The following FYB1 variants were observed in gnomAD, a reference collection of about 807,000 sequenced individuals.
FYB1 encodes FYN binding protein 1.
Under a neutral mutation model 94.1 loss-of-function variants are expected in FYB1, and 41 were observed. The ratio of observed to expected loss-of-function variants is 0.44; its 90% CI spans 0.34 to 0.57. The LOEUF (loss-of-function observed/expected upper bound fraction) is 0.57, where lower values mean the gene tolerates loss of function less well. Among genes scored for constraint, FYB1 ranks in the 20% least tolerant of loss-of-function variants. The pLI, the probability that FYB1 is intolerant of heterozygous loss-of-function variation, is 0.02. For missense variants in FYB1, 1,050 were observed against 976.8 expected, an observed-to-expected ratio of 1.07 and a Z score of -1.00; for synonymous variants, 367 against 353.2, an observed-to-expected ratio of 1.04 and a Z score of -0.44.
At chr5:39,229,761 C>G (rs1750638125) in intron 1 of FYB1, among the ~76,000 whole-genome samples, 1 of 152,108 alleles carries the variant, frequency 6.6e-6, no homozygotes, top group African/African-American at 2.4e-5. Context: ...AAGTGAGTTG[C>G]CTAAAAGGCA....
At chr5:39,217,538 C>A (rs1749963657) in intron 1 of FYB1, among the ~76,000 whole-genome samples, 1 of 152,188 alleles carries the variant, frequency 6.6e-6, no homozygotes, top group Non-Finnish European at 1.5e-5. Flanking sequence ...GTGCTAGGAG[C>A]TTTTCAGGGA....
intron 1 of FYB1, among the ~76,000 whole-genome samples, chr5:39,209,953 T>C (rs971573768): frequency 2.0e-5 from 3 of 152,242 alleles, no homozygotes; most frequent in Admixed American, 6.5e-5. Flanking sequence ...AAATGGGCTG[T>C]GATGCATTCC....
At chr5:39,131,330 C>T (rs1741188822) in intron 9 of FYB1, among the ~76,000 whole-genome samples, 1 of 152,140 alleles carries the variant, frequency 6.6e-6, no homozygotes, top group Non-Finnish European at 1.5e-5. Context: ...CTTCAATTCC[C>T]TCATTATACA....
intron 1 of FYB1, among the ~76,000 whole-genome samples, chr5:39,217,604 G>C (rs1749968193): frequency 6.6e-6 from 1 of 152,136 alleles, no homozygotes; most frequent in South Asian, 2.1e-4. Flanking sequence ...GACAGATAAA[G>C]AAACTGAGTC....
chr5:39,252,757 A>G (rs1751784621), intron 1 of FYB1, among the ~76,000 whole-genome samples: 2 of 152,182 alleles, frequency 1.3e-5, no homozygotes, highest in African/African-American at 4.8e-5. Flanking sequence ...GTTTAGACAT[A>G]GGTTCTAGGG....
At chr5:39,195,955 A>AG (rs1747794448) in intron 2 of FYB1, among the ~76,000 whole-genome samples, 6 of 60,626 alleles carry the variant, frequency 9.9e-5, no homozygotes, top group Non-Finnish European at 1.5e-4. Context: ...AGGAAAAAAA[A>AG]ATTTAGCTTC....
intron 1 of FYB1, among the ~76,000 whole-genome samples, chr5:39,273,965 C>T (rs186493377): frequency 6.6e-6 from 1 of 151,986 alleles, no homozygotes; most frequent in African/African-American, 2.4e-5. Context: ...TGCTCTGTCC[C>T]CCAGGCTAGA....
intron 13 of FYB1, among the ~76,000 whole-genome samples, chr5:39,123,535 A>T (rs1421853176): frequency 6.6e-6 from 1 of 152,134 alleles, no homozygotes; most frequent in Non-Finnish European, 1.5e-5. Context: ...ATTATCAGGC[A>T]CTGATCAGCT....
chr5:39,190,700 G>C (rs1747274035), intron 2 of FYB1, among the ~76,000 whole-genome samples: 1 of 151,932 alleles, frequency 6.6e-6, no homozygotes, highest in African/African-American at 2.4e-5. Context: ...CATTCTAAAG[G>C]CTTGCCTTAT....
chr5:39,152,555 A>G lies in FYB1; in HGVS notation c.1292+893T>C, dbSNP rs527655839. Among the ~76,000 whole-genome samples, 121 of 152,350 alleles carry G rather than the reference A, an allele frequency of 7.9e-4. No individual in the cohort carries two copies. In the Middle Eastern group the frequency reaches 0.017, roughly 21 times the overall value. ...GTTAAGCAATTTTCTACAAGAAGAA[A>G]GGGAATATCTAGTCCATTTTGTCTT... On this transcript the variant is annotated intron_variant, in intron 3 of 18. Transcript: ENST00000512982.
At chr5:39,170,425 C>T in intron 2 of FYB1, 3 of 461,448 alleles carry the variant, frequency 6.5e-6, no homozygotes, top group Non-Finnish European at 7.8e-6. Flanking sequence ...ACCCCCTCAG[C>T]AGCAGACCTG....
chr5:39,242,896 C>A (rs10052715), intron 1 of FYB1, among the ~76,000 whole-genome samples: 25,507 of 151,814 alleles, frequency 0.17, 5,764 homozygotes, highest in African/African-American at 0.5. Context: ...GCCAGTGATG[C>A]TGAGCATTTT....
chr5:39,204,978 G>A (rs1748712018), intron 1 of FYB1, among the ~76,000 whole-genome samples: 1 of 152,154 alleles, frequency 6.6e-6, no homozygotes, highest in African/African-American at 2.4e-5. Context: ...GCAAGAGGCA[G>A]GAAGACAGCA....
chr5:39,260,109 G>C (rs188539545), intron 1 of FYB1, among the ~76,000 whole-genome samples: 1 of 152,228 alleles, frequency 6.6e-6, no homozygotes, highest in Non-Finnish European at 1.5e-5. Context: ...TAGGTGATCA[G>C]AGACTAGCTT....
chr5:39,261,041 A>G (rs1480734562), intron 1 of FYB1, among the ~76,000 whole-genome samples: 3 of 152,138 alleles, frequency 2.0e-5, no homozygotes, highest in Non-Finnish European at 2.9e-5. Context: ...GAAATATTGA[A>G]TAATCTTAGA....
intron 12 of FYB1, among the ~76,000 whole-genome samples, chr5:39,124,915 CCACA>C (rs56887056): frequency 0.04 from 5,564 of 139,474 alleles, 107 homozygotes; most frequent in African/African-American, 0.042. Flanking sequence ...TAAATACACT[CCACA>C]CACACACACA....
rs560188282 is a variant in FYB1 at position 39,198,132 on chromosome 5, T to A, written c.1135+3694A>T. Among the ~76,000 whole-genome samples the A allele has an allele frequency of 3.9e-5, 6 of 152,312 alleles. No individual in the cohort carries two copies. The East Asian group carries it at 9.6e-4, about 24-fold the overall frequency. On this transcript the variant is annotated intron_variant, in intron 2 of 18. Coordinates refer to ENST00000512982, the MANE Select transcript of FYB1 (RefSeq NM_001465.6). ...TATGTCAAATTCTGTATTAAGCACT[T>A]ACAACGAATCTCATGTAGTGATTAT... is the stretch of plus-strand genomic sequence containing the variant.
chr5:39,168,630 T>A (rs1023375480), intron 2 of FYB1, among the ~76,000 whole-genome samples: 1 of 152,164 alleles, frequency 6.6e-6, no homozygotes, highest in Non-Finnish European at 1.5e-5. Flanking sequence ...CAATGCCAGG[T>A]TTTACAGCTT....
intron 3 of FYB1, among the ~76,000 whole-genome samples, chr5:39,145,217 C>T (rs530031143): frequency 2.0e-5 from 3 of 152,116 alleles, no homozygotes; most frequent in South Asian, 2.1e-4. Flanking sequence ...ATTGCAAATG[C>T]TATTGGATAT....
Sources: allele counts gnomAD v4.1 joint callset (sites outside exome capture counted in the v4.1 genomes callset), GRCh38; gene constraint gnomAD v4.1.1; transcripts MANE v1.5; gene names NCBI Gene and HGNC (gene_info 2026-07-23, HGNC 2026-07-21).